Variants in NEGR1 observed in about 807,000 individuals in gnomAD.
NEGR1 encodes IgLON family member 4.
In NEGR1, 10 loss-of-function variants were observed where a neutral mutation model predicts 40.9. That is an observed-to-expected ratio of 0.24 (90% CI 0.15 to 0.42). The LOEUF is 0.42. NEGR1 is among the 10% of genes least tolerant of loss of function. The pLI is 1.00. For missense variants in NEGR1, 352 were observed against 438.9 expected, an observed-to-expected ratio of 0.80 and a Z score of 1.77; for synonymous variants, 185 against 166.8, an observed-to-expected ratio of 1.11 and a Z score of -0.84.
At chr1:71,813,030 G>T (rs1658060689) in intron 2 of NEGR1, among the ~76,000 whole-genome samples, 1 of 152,014 alleles carries the variant, frequency 6.6e-6, no homozygotes, top group Non-Finnish European at 1.5e-5. Flanking sequence ...GAATTGTATT[G>T]CCTAGATTTA....
intron 1 of NEGR1, among the ~76,000 whole-genome samples, chr1:71,973,684 A>T (rs1157215767): frequency 6.6e-6 from 1 of 152,202 alleles, no homozygotes; most frequent in African/African-American, 2.4e-5. Context: ...ACAGGAGATG[A>T]TAAAAACCAG....
chr1:71,728,195 C>A (rs552616183), intron 3 of NEGR1, among the ~76,000 whole-genome samples: 2 of 152,086 alleles, frequency 1.3e-5, no homozygotes, highest in Non-Finnish European at 2.9e-5. Context: ...AGGCAACGAT[C>A]CAAGAGACCA....
chr1:72,205,817 C>T (rs1345700346), intron 1 of NEGR1, among the ~76,000 whole-genome samples: 1 of 148,442 alleles, frequency 6.7e-6, no homozygotes, highest in Non-Finnish European at 1.5e-5. Context: ...TGGTGCAAGC[C>T]TGGTAGGCCT....
chr1:71,613,087 C>T (rs374466607), intron 4 of NEGR1, among the ~76,000 whole-genome samples: 1 of 151,948 alleles, frequency 6.6e-6, no homozygotes, highest in Non-Finnish European at 1.5e-5. Context: ...TGAGAAAAGA[C>T]CATAGTGAGG....
chr1:71,668,794 C>T (rs1652322173), intron 4 of NEGR1, among the ~76,000 whole-genome samples: 1 of 152,016 alleles, frequency 6.6e-6, no homozygotes, highest in South Asian at 2.1e-4. Context: ...AAGGACATAC[C>T]TGTGATTTTT....
chr1:71,927,919 G>T (rs1183867376), intron 2 of NEGR1, among the ~76,000 whole-genome samples: 1 of 145,646 alleles, frequency 6.9e-6, no homozygotes, highest in Non-Finnish European at 1.5e-5. Context: ...GATCACCTGA[G>T]GCCAGGGAGG....
chr1:71,924,243 T>C (rs1009089977), intron 2 of NEGR1, among the ~76,000 whole-genome samples: 3 of 152,176 alleles, frequency 2.0e-5, no homozygotes, highest in Non-Finnish European at 2.9e-5. Context: ...TGTAGTCACA[T>C]TGGGAGACTG....
At chr1:71,876,759 T>C (rs1256697000) in intron 2 of NEGR1, among the ~76,000 whole-genome samples, 1 of 152,156 alleles carries the variant, frequency 6.6e-6, no homozygotes, top group Non-Finnish European at 1.5e-5. Context: ...TGGAAGAAAC[T>C]GAAGTTTTTT....
chr1:71,807,726 A>C (rs1180273784), intron 2 of NEGR1, among the ~76,000 whole-genome samples: 1 of 152,192 alleles, frequency 6.6e-6, no homozygotes, highest in Non-Finnish European at 1.5e-5. Context: ...CAAATCCAGT[A>C]AGCAGTTTCT....
At chr1:71,690,595 CACACAT>C (rs1184820106) in intron 4 of NEGR1, among the ~76,000 whole-genome samples, 26 of 141,460 alleles carry the variant, frequency 1.8e-4, no homozygotes, top group Non-Finnish European at 1.2e-4. Context: ...CACACACACA[CACACAT>C]ATATATATAG....
chr1:71,634,211 C>T (rs1292921403), intron 4 of NEGR1, among the ~76,000 whole-genome samples: 1 of 152,010 alleles, frequency 6.6e-6, no homozygotes, highest in Non-Finnish European at 1.5e-5. Flanking sequence ...TACAGGTGAG[C>T]AGATAAATAA....
chr1:72,282,175 T>G, intron 1 of NEGR1, 144 bp downstream of exon 1: 1 of 999,442 alleles, frequency 1.0e-6, no homozygotes, highest in Non-Finnish European at 1.5e-6. Flanking sequence ...GGGAAGAATC[T>G]GCACCTGGAA....
At chr1:71,716,354 C>T (rs1217858160) in intron 3 of NEGR1, among the ~76,000 whole-genome samples, 1 of 151,964 alleles carries the variant, frequency 6.6e-6, no homozygotes, top group African/African-American at 2.4e-5. Context: ...TCATGAGCAT[C>T]AAATGTAAAA....
intron 1 of NEGR1, among the ~76,000 whole-genome samples, chr1:72,248,575 T>TTTATTTATTATTA (rs1553153653): frequency 4.5e-5 from 6 of 132,944 alleles, no homozygotes; most frequent in African/African-American, 1.4e-4. Flanking sequence ...TCTATTTTTA[T>TTTATTTATTATTA]TTATTATTAT....
intron 2 of NEGR1, among the ~76,000 whole-genome samples, chr1:71,822,180 A>G (rs1047967061): frequency 3.3e-5 from 5 of 151,996 alleles, no homozygotes; most frequent in African/African-American, 7.2e-5. Flanking sequence ...GAGAAGTGGC[A>G]CAGAAAGTAG....
At chr1:72,109,482 G>A (rs914360430) in intron 1 of NEGR1, among the ~76,000 whole-genome samples, 3 of 151,608 alleles carry the variant, frequency 2.0e-5, no homozygotes, top group African/African-American at 7.3e-5. Flanking sequence ...AATGTCTACA[G>A]AGACTTATTA....
At chr1:71,923,512 T>C (rs1645739955) in intron 2 of NEGR1, among the ~76,000 whole-genome samples, 1 of 152,178 alleles carries the variant, frequency 6.6e-6, no homozygotes, top group Non-Finnish European at 1.5e-5. Context: ...ACGGGGAGTG[T>C]ATTAGTTTTC....
At chr1:72,240,901 T>C (rs1026926743) in intron 1 of NEGR1, among the ~76,000 whole-genome samples, 4 of 151,762 alleles carry the variant, frequency 2.6e-5, no homozygotes, top group African/African-American at 9.7e-5. Flanking sequence ...AGCCTCCTTC[T>C]GATTTCTTAT....
intron 4 of NEGR1, among the ~76,000 whole-genome samples, chr1:71,618,313 CA>C (rs1650508170): frequency 6.6e-6 from 1 of 152,124 alleles, no homozygotes; most frequent in East Asian, 1.9e-4. Flanking sequence ...AGAAAAGACT[CA>C]CTTACTTGAG....
Sources: gnomAD v4.1 joint callset for allele counts (sites outside exome capture counted in the v4.1 genomes callset) on GRCh38, gnomAD v4.1.1 for gene constraint, MANE v1.5 for transcripts, NCBI Gene and HGNC (gene_info 2026-07-23, HGNC 2026-07-21) for gene names.